ABCA9: variants seen among roughly 807,000 people sequenced by gnomAD.
The protein encoded by ABCA9 is ATP binding cassette subfamily A member 9.
A neutral mutation model predicts 205.3 loss-of-function variants in ABCA9; 183 were observed. The ratio of observed to expected loss-of-function variants is 0.89; its 90% confidence interval spans 0.79 to 1.01. The LOEUF (loss-of-function observed/expected upper bound fraction) is 1.01. Among genes scored for constraint, ABCA9 ranks in the 50% least tolerant of loss-of-function variants. The pLI is 0.00. For synonymous variants in ABCA9, 651 were observed against 683.3 expected, an observed-to-expected ratio of 0.95 and a Z score of 0.74; for missense variants, 1,805 against 1,912.4, an observed-to-expected ratio of 0.94 and a Z score of 1.05.
chr17:69,067,213 T>G, the ABCA9 span, among the ~76,000 whole-genome samples: 1 of 152,008 alleles, frequency 6.6e-6, no homozygotes, highest in Non-Finnish European at 1.5e-5. Context: ...TCTTAATATA[T>G]AATTAAATAT....
chr17:69,043,863 T>C (rs2071627967), intron 5 of ABCA9, 148 bp from the exon 6 acceptor site: 1 of 701,872 alleles, frequency 1.4e-6, no homozygotes, highest in Non-Finnish European at 2.3e-6. Flanking sequence ...TTGTGGTTCC[T>C]GGAACACTTT....
rs1466525784 is a variant in ABCA9 at position 68,989,090 on chromosome 17, A to G, written c.3984T>C (p.Asn1328=). 3.7e-6 allele frequency: 6 copies of G among 1,612,900 alleles called. No individual in the cohort carries two copies. Among genetic ancestry groups the G allele is most frequent in the Middle Eastern group, 1.6e-4 (1 of 6,074 alleles). The change falls in exon 31 of 39, where the codon AAT becomes AAC. Residue 1328 remains asparagine (N), a synonymous_variant. Coordinates refer to ENST00000340001, the MANE Select transcript of ABCA9 (RefSeq NM_080283.4). ...KGEVIGLLGH[N]GAGKSTTIKM... ...TAATAGTTGTACTTTTACCAGCTCC[A>G]TTGTGTCCTAACAGTCCTATAACTT...
At chr17:69,014,224 A>C (rs2070492895) in intron 22 of ABCA9, among the ~76,000 whole-genome samples, 1 of 152,204 alleles carries the variant, frequency 6.6e-6, no homozygotes, top group Admixed American at 6.5e-5. Flanking sequence ...GAGTGCCAAC[A>C]TGACACTACA....
chr17:69,018,455 G>C lies in ABCA9; in HGVS notation c.2725C>G (p.Pro909Ala). Reference protein sequence around the residue: ...NTYFLSPGQQPQDPLTHLLVI... With the variant: ...NTYFLSPGQQAQDPLTHLLVI... ...AGTAAATGGGTCAGAGGATCCTGTGGTTGTTGTCCTGGTGAGAGGAAGTAT... is the reference window on the plus strand; with the variant it reads ...AGTAAATGGGTCAGAGGATCCTGTGCTTGTTGTCCTGGTGAGAGGAAGTAT... Residue 909 changes from proline (P) to alanine (A), a missense_variant, in exon 20 of 39, where the codon CCA becomes GCA. By Grantham distance (27) the Pro-to-Ala change is conservative. Coordinates refer to ENST00000340001, the MANE Select transcript of ABCA9 (RefSeq NM_080283.4). The C allele has an allele frequency of 6.2e-7, 1 of 1,604,790 alleles. No individual in the cohort carries two copies. Among genetic ancestry groups the C allele is most frequent in the Non-Finnish European group, 8.5e-7 (1 of 1,176,958 alleles).
chr17:69,074,518 A>G, the ABCA9 span, among the ~76,000 whole-genome samples: 1 of 152,168 alleles, frequency 6.6e-6, no homozygotes, highest in South Asian at 2.1e-4. Flanking sequence ...TTGTTCCTGC[A>G]TTACTACGAT....
In ABCA9 at chr17:69,022,660, G is replaced by A. The variant is rs182972831; in HGVS notation, c.2282-799C>T. 3.1e-3 allele frequency among the ~76,000 whole-genome samples: 467 copies of A among 152,164 alleles called. 4 individuals are homozygous for A. The highest frequency in any genetic ancestry group is 0.011 in the African/African-American group (450 of 41,502). On this transcript the variant is annotated intron_variant, in intron 17 of 38. Coordinates refer to ENST00000340001, the MANE Select transcript of ABCA9 (RefSeq NM_080283.4). ...TGGGATTACAGGCATGGGCCACCGC[G>A]CCCAGCCCATAAATATGTAAAGTTT...
chr17:69,043,785 T>G (rs2071625892), intron 5 of ABCA9, 70 bp from the exon 6 acceptor site: 1 of 1,265,136 alleles, frequency 7.9e-7, no homozygotes, highest in Admixed American at 2.3e-5. Context: ...TTTCTCTAAA[T>G]TATAAGGAAT....
intron 3 of ABCA9, among the ~76,000 whole-genome samples, chr17:69,046,915 A>C (rs1037888029): frequency 3.2e-5 from 4 of 124,858 alleles, no homozygotes; most frequent in African/African-American, 1.1e-4. Flanking sequence ...ATATATATAA[A>C]ATTTTATATA....
intron 37 of ABCA9, among the ~76,000 whole-genome samples, chr17:68,978,296 C>CT (rs539555403): frequency 1.0e-3 from 159 of 151,788 alleles, no homozygotes; most frequent in Middle Eastern, 6.8e-3. Flanking sequence ...CAACCCCTGC[C>CT]TTTTTTTTGT....
In ABCA9 at chr17:69,049,340, C is replaced by T. The variant is rs766006574; in HGVS notation, c.247G>A (p.Glu83Lys). 1.2e-6 allele frequency: 2 copies of T among 1,613,238 alleles called. No individual in the cohort carries two copies. The highest frequency in any genetic ancestry group is 1.7e-6 in the Non-Finnish European group (2 of 1,179,518). ...DTNYVIAFAP[E>K]SKTTQEIMNK... Reference sequence around the variant, plus strand: ...ATTATCTCTTGGGTAGTTTTGGATTCAGGTGCAAATGCAATAACATAATTA... The same window carrying T: ...ATTATCTCTTGGGTAGTTTTGGATTTAGGTGCAAATGCAATAACATAATTA... The change falls in exon 3 of 39, where the codon GAA becomes AAA. Residue 83 changes from glutamate to lysine, a missense_variant. Physicochemically the swap from Glu to Lys is moderately conservative, Grantham distance 56. Coordinates refer to ENST00000340001, the MANE Select transcript of ABCA9 (RefSeq NM_080283.4).
chr17:69,040,083 T>C (rs981152853), intron 6 of ABCA9, among the ~76,000 whole-genome samples: 1 of 152,102 alleles, frequency 6.6e-6, no homozygotes, highest in Admixed American at 6.5e-5. Context: ...TGTGGAGAAA[T>C]AGGAATGCTT....
At position 69,017,998 on chromosome 17, in the gene ABCA9, A is replaced by G. The variant is rs577537676; in HGVS notation, c.2768-209T>C. On this transcript the variant is annotated intron_variant, in intron 20 of 38. Transcript: ENST00000340001. ...ACTTTATCTAGAGCCTAGGCATTTC[A>G]TTATAATTTCTATTAGTATAGAAAT... 25 of 501,324 alleles carry G rather than the reference A, an allele frequency of 5.0e-5. 1 individual carries two copies. In the South Asian group the frequency reaches 7.8e-4, roughly 16 times the overall value. 31.1% of individuals were successfully genotyped at this position (501,324 alleles called of 1,614,324 possible). A position where few individuals can be genotyped will look rare whatever the true frequency, so the allele number is the denominator to read the frequency against.
At chr17:68,992,037 G>T in intron 28 of ABCA9, 138 bp downstream of exon 28, 1 of 535,632 alleles carries the variant, frequency 1.9e-6, no homozygotes. Context: ...TATATTATGG[G>T]TTATAAGAAT....
intron 20 of ABCA9, chr17:69,018,095 T>C (rs571856855): frequency 9.6e-5 from 35 of 365,580 alleles, no homozygotes; most frequent in South Asian, 3.3e-4. Flanking sequence ...TTGAAACATT[T>C]TTTTCCAGAG....
At chr17:68,989,256 T>TCACACACA (rs71293542) in intron 30 of ABCA9, 138 bp from the exon 31 acceptor site, 108 of 243,056 alleles carry the variant, frequency 4.4e-4, no homozygotes, top group African/African-American at 1.5e-3. Flanking sequence ...TCTCTCTCTC[T>TCACACACA]CACACACACA....
rs774078887 is a variant in ABCA9 at position 68,985,100 on chromosome 17, G to A, written c.4237C>T (p.Gln1413Ter). 6.2e-7 allele frequency: 1 copy of A among 1,614,198 alleles called. No individual in the cohort carries two copies. The highest frequency in any genetic ancestry group is 8.5e-7 in the Non-Finnish European group (1 of 1,180,034). ...RLVDALKLQD[Q>*]LKAPVKTLSE... ...AAGGTCTTCACGGGAGCCTTCAGCT[G>A]GTCCTGCAGCTTGAGCGCATCCACT... Residue 1413 changes from glutamine (Q) to a stop codon, truncating the protein, a stop_gained, in exon 33 of 39, where the codon CAG becomes TAG. Coordinates refer to ENST00000340001, the MANE Select transcript of ABCA9 (RefSeq NM_080283.4). LOFTEE classifies it high-confidence loss of function.
At position 69,012,025 on chromosome 17, in the gene ABCA9, G is replaced by T; in HGVS notation, c.3098C>A (p.Ala1033Glu). 6.2e-7 allele frequency: 1 copy of T among 1,613,030 alleles called. No homozygotes were observed. The highest frequency in any genetic ancestry group is 2.2e-5 in the East Asian group (1 of 44,866). The change falls in exon 23 of 39, where the codon GCA becomes GAA. Residue 1033 changes from alanine to glutamate, a missense_variant. Transcript: ENST00000340001. ...TGCAATGTATGGAGTGAAAGAGGCT[G>T]CCATCGGTATCCAGAAGAAGGTGTT... ...RSNTFFWIPM[A>E]ASFTPYIAMS... is the part of the protein sequence containing the mutation.
At chr17:69,062,043 A>G (rs1187074741), upstream of ABCA9, among the ~76,000 whole-genome samples, 8 of 152,132 alleles carry the variant, frequency 5.3e-5, 1 homozygote, top group Middle Eastern at 6.8e-3. Context: ...ATTCAATTAT[A>G]TTTATCCTTT....
chr17:69,039,112 C>T (rs1362861009), intron 6 of ABCA9, among the ~76,000 whole-genome samples: 1 of 152,098 alleles, frequency 6.6e-6, no homozygotes, highest in Non-Finnish European at 1.5e-5. Context: ...TAGGAAGAAT[C>T]AATATTGTGA....
Sources: gnomAD v4.1 joint callset for allele counts (sites outside exome capture counted in the v4.1 genomes callset) on GRCh38, gnomAD v4.1.1 for gene constraint, MANE v1.5 for transcripts, NCBI Gene and HGNC (gene_info 2026-07-23, HGNC 2026-07-21) for gene names.